Variants in DKK2 observed in about 807,000 individuals in gnomAD.
DKK2 encodes dickkopf-related protein 2.
DKK2 carries 11 observed loss-of-function variants against 28.1 expected under a neutral mutation model. The observed-to-expected ratio is 0.39, with a 90% CI of 0.25 to 0.65. The LOEUF is 0.65. DKK2 is among the 30% of genes least tolerant of loss of function. The pLI, the probability that DKK2 is intolerant of heterozygous loss-of-function variation, is 0.47. For synonymous variants in DKK2, 135 were observed against 126.5 expected (o/e 1.07, Z -0.45); for missense variants, 326 against 335.5 (o/e 0.97, Z 0.22).
chr4:106,951,676 G>A (rs1374305038), intron 1 of DKK2, among the ~76,000 whole-genome samples: 1 of 152,142 alleles, frequency 6.6e-6, no homozygotes, highest in Non-Finnish European at 1.5e-5. Flanking sequence ...AGAACTATAT[G>A]TGGGTGGCAG....
In DKK2 at chr4:107,033,317, T is replaced by C. The variant is rs563071119; in HGVS notation, c.222+2053A>G. Among the ~76,000 whole-genome samples the C allele has an allele frequency of 3.3e-5, 5 of 152,292 alleles. No individual in the cohort carries two copies. The South Asian group carries it at 1.0e-3, about 32-fold the overall frequency. On this transcript the variant is annotated intron_variant, in intron 1 of 3. Transcript: ENST00000285311. ...AAGGCATATAAGAAATTCAACTCAT[T>C]TGTGAAATAAATAAATAAATTCTCA...
At chr4:106,969,519 TA>T (rs1464284289) in intron 1 of DKK2, among the ~76,000 whole-genome samples, 2 of 151,928 alleles carry the variant, frequency 1.3e-5, no homozygotes, top group Admixed American at 6.6e-5. Context: ...GTGTAGTATT[TA>T]AAAGGAGAAG....
At chr4:106,967,885 G>A (rs1178955120) in intron 1 of DKK2, among the ~76,000 whole-genome samples, 5 of 150,980 alleles carry the variant, frequency 3.3e-5, no homozygotes, top group Non-Finnish European at 7.4e-5. Flanking sequence ...AAAAGGAGAA[G>A]AAGGAAGGGA....
At chr4:106,979,119 A>G (rs1251237244) in intron 1 of DKK2, among the ~76,000 whole-genome samples, 2 of 151,606 alleles carry the variant, frequency 1.3e-5, no homozygotes, top group African/African-American at 4.8e-5. Context: ...TTCTATTGCT[A>G]ACTTCTCCAT....
chr4:107,005,065 G>A (rs922566818), intron 1 of DKK2, among the ~76,000 whole-genome samples: 2 of 152,220 alleles, frequency 1.3e-5, no homozygotes, highest in East Asian at 1.9e-4. Flanking sequence ...ACATATATAA[G>A]AGTGCGGTGG....
At chr4:106,940,983 A>T (rs906038812) in intron 1 of DKK2, among the ~76,000 whole-genome samples, 4 of 152,082 alleles carry the variant, frequency 2.6e-5, no homozygotes, top group African/African-American at 7.2e-5. Context: ...GGGGAGGGAT[A>T]GCATTGGGAG....
chr4:106,924,628 T>C lies in DKK2; in HGVS notation c.446A>G (p.Asp149Gly). Residue 149 changes from aspartate to glycine, a missense_variant, in exon 3 of 4, where the codon GAT becomes GGT. Physicochemically the swap from Asp to Gly is moderately conservative, Grantham distance 94 (BLOSUM62 -1). Coordinates refer to ENST00000285311, the MANE Select transcript of DKK2 (RefSeq NM_014421.3). ...IPALDGTRHR[D>G]RNHGHYSNHD... ...GTTTGAGTAATGACCGTGGTTTCGA[T>C]CTCTGTGCCGAGTACCATCCAGAGC... 1 of 1,613,958 alleles carries C rather than the reference T, an allele frequency of 6.2e-7. No individual in the cohort carries two copies. The highest frequency in any genetic ancestry group is 8.5e-7 in the Non-Finnish European group (1 of 1,179,888).
intron 1 of DKK2, among the ~76,000 whole-genome samples, chr4:106,991,710 C>T (rs1370089777): frequency 1.3e-5 from 2 of 152,196 alleles, no homozygotes; most frequent in African/African-American, 4.8e-5. Flanking sequence ...TACGCATACA[C>T]ACATACATGC....
At chr4:106,970,113 G>A (rs114232235) in intron 1 of DKK2, among the ~76,000 whole-genome samples, 1,676 of 152,160 alleles carry the variant, frequency 0.011, 26 homozygotes, top group African/African-American at 0.037. Context: ...TATGAGATGC[G>A]TTACCTTTGA....
chr4:106,949,209 A>G (rs1724823576), intron 1 of DKK2, among the ~76,000 whole-genome samples: 2 of 152,142 alleles, frequency 1.3e-5, no homozygotes, highest in African/African-American at 4.8e-5. Context: ...TCTTGTTTCT[A>G]AAGTGCTGGG....
rs1723959038 is a variant in DKK2 at position 107,035,932 on chromosome 4, G to A, written c.-341C>T. ...GATCGCACCGCTTCCGTTCCTTCTT[G>A]CCCCGCACCTCCTTGGTCCCGCCGG... On this transcript the variant is annotated 5_prime_UTR_variant, in exon 1 of 4. Coordinates refer to ENST00000285311, the MANE Select transcript of DKK2 (RefSeq NM_014421.3). 3.0e-6 allele frequency: 1 copy of A among 329,838 alleles called. No individual in the cohort carries two copies. Among genetic ancestry groups the A allele is most frequent in the African/African-American group, 2.1e-5 (1 of 47,142 alleles). The allele number at this position is 329,838 out of a possible 1,614,324, so 20.4% of individuals were successfully genotyped here.
At chr4:106,936,715 AG>A (rs1289769091) in intron 1 of DKK2, among the ~76,000 whole-genome samples, 2 of 152,204 alleles carry the variant, frequency 1.3e-5, no homozygotes, top group Admixed American at 6.5e-5. Context: ...GCAGCCAGAG[AG>A]AAAGGTCGGG....
chr4:107,035,631 AG>A lies in DKK2; in HGVS notation c.-41del, dbSNP rs1341611285. ...GTCCCCAGGAAGACGCAAAGCCCGGAGGGGTGGGAATGCAAAGGGAGGGAGG... is the reference window on the plus strand; with the variant it reads ...GTCCCCAGGAAGACGCAAAGCCCGGAGGGTGGGAATGCAAAGGGAGGGAGG... On this transcript the variant is annotated 5_prime_UTR_variant, in exon 1 of 4. Coordinates refer to ENST00000285311, the MANE Select transcript of DKK2 (RefSeq NM_014421.3). 1 of 1,606,582 alleles carries A rather than the reference AG, an allele frequency of 6.2e-7. No homozygotes were observed. The highest frequency in any genetic ancestry group is 2.2e-5 in the East Asian group (1 of 44,822).
At chr4:107,009,565 T>C (rs1272539210) in intron 1 of DKK2, among the ~76,000 whole-genome samples, 2 of 151,822 alleles carry the variant, frequency 1.3e-5, no homozygotes, top group Non-Finnish European at 2.9e-5. Flanking sequence ...TATGTAATAA[T>C]TATAACACAA....
intron 1 of DKK2, among the ~76,000 whole-genome samples, chr4:106,975,613 G>T (rs549562885): frequency 1.3e-5 from 2 of 151,922 alleles, no homozygotes; most frequent in Admixed American, 6.6e-5. Flanking sequence ...TATTATGTCT[G>T]TTTGATTCTT....
At chr4:106,987,549 A>T (rs980387871) in intron 1 of DKK2, among the ~76,000 whole-genome samples, 7 of 152,174 alleles carry the variant, frequency 4.6e-5, no homozygotes, top group Admixed American at 4.6e-4. Context: ...CCCCTGCCTG[A>T]GGAAAGGGAC....
At chr4:106,943,338 A>T (rs1724729640) in intron 1 of DKK2, among the ~76,000 whole-genome samples, 1 of 152,138 alleles carries the variant, frequency 6.6e-6, no homozygotes, top group Non-Finnish European at 1.5e-5. Context: ...TACCTGGAAT[A>T]ATTTACCATT....
At chr4:106,930,138 A>G (rs188069750) in intron 1 of DKK2, among the ~76,000 whole-genome samples, 12 of 152,324 alleles carry the variant, frequency 7.9e-5, no homozygotes, top group African/African-American at 2.6e-4. Flanking sequence ...TTCTCATTCT[A>G]TTTCTTGAGC....
chr4:106,945,561 G>A (rs1044861552), intron 1 of DKK2, among the ~76,000 whole-genome samples: 1 of 152,088 alleles, frequency 6.6e-6, no homozygotes, highest in African/African-American at 2.4e-5. Flanking sequence ...ACACAAGTTT[G>A]GAGAGCTCTA....
Sources: gnomAD v4.1 joint callset for allele counts (sites outside exome capture counted in the v4.1 genomes callset) on GRCh38, gnomAD v4.1.1 for gene constraint, MANE v1.5 for transcripts, NCBI Gene and HGNC (gene_info 2026-07-23, HGNC 2026-07-21) for gene names.